The following BDKRB2 variants were observed in gnomAD, a reference collection of about 807,000 sequenced individuals.
BDKRB2 encodes the protein B2 bradykinin receptor.
In BDKRB2, 6 loss-of-function variants were observed where a neutral mutation model predicts 4.0. That is an observed-to-expected ratio of 1.49 (90% CI 0.81 to 2.93). BDKRB2 has a LOEUF of 2.93. Among genes scored for constraint, BDKRB2 ranks in the 30% most tolerant of loss-of-function variants. The pLI is 0.00. For missense variants in BDKRB2, 478 were observed against 520.1 expected (o/e 0.92, Z 0.79); for synonymous variants, 225 against 215.3 (o/e 1.05, Z -0.40).
chr14:96,238,834 G>A, intron 2 of BDKRB2: 1 of 986,546 alleles, frequency 1.0e-6, no homozygotes, highest in Non-Finnish European at 1.2e-6. Context: ...TCCCTCCAGG[G>A]CACCCTCCAC....
intron 1 of BDKRB2, among the ~76,000 whole-genome samples, chr14:96,205,946 C>T (rs980590934): frequency 1.9e-4 from 29 of 152,182 alleles, no homozygotes; most frequent in Non-Finnish European, 3.1e-4. Flanking sequence ...GGCTCCCCAG[C>T]CTACAGGAAG....
chr14:96,210,341 A>G (rs1011803586), intron 1 of BDKRB2, among the ~76,000 whole-genome samples: 2 of 152,028 alleles, frequency 1.3e-5, no homozygotes, highest in African/African-American at 4.8e-5. Context: ...TTTTAATTTT[A>G]TTTTTCTTTC....
intron 2 of BDKRB2, chr14:96,238,792 C>A (rs1412418947): frequency 4.0e-5 from 39 of 985,758 alleles, no homozygotes; most frequent in Non-Finnish European, 4.3e-5. Flanking sequence ...CACCAGCCCC[C>A]TCTCCAAGTC....
intron 2 of BDKRB2, 99 bp from the exon 3 acceptor site, chr14:96,240,304 C>T (rs766463294): frequency 3.0e-6 from 4 of 1,353,548 alleles, no homozygotes; most frequent in Middle Eastern, 5.0e-4. Flanking sequence ...TTCTCCTTGC[C>T]CTGGCTGGTT....
At chr14:96,229,894 C>A (rs886615180) in intron 1 of BDKRB2, among the ~76,000 whole-genome samples, 2 of 151,736 alleles carry the variant, frequency 1.3e-5, no homozygotes, top group Non-Finnish European at 2.9e-5. Context: ...TTTGGGAGGC[C>A]GAGGCAGGTG....
In BDKRB2 at chr14:96,241,449, T is replaced by C. The variant is rs778625682; in HGVS notation, c.1121T>C (p.Ile374Thr). 1 of 1,587,580 alleles carries C rather than the reference T, an allele frequency of 6.3e-7. No individual in the cohort carries two copies. The highest frequency in any genetic ancestry group is 1.7e-5 in the Admixed American group (1 of 57,834). ...ENSMGTLRTS[I>T]SVERQIHKLQ... ...TCCATGGGCACACTGCGGACCTCCA[T>C]CTCCGTGGAACGCCAGATTCACAAA... The change falls in exon 3 of 3, where the codon ATC (isoleucine) becomes ACC (threonine). Residue 374 changes from isoleucine (I) to threonine (T), a missense_variant. Physicochemically the swap from Ile to Thr is moderately conservative, Grantham distance 89. Transcript: ENST00000554311.
chr14:96,207,653 T>C (rs1205889997), intron 1 of BDKRB2, among the ~76,000 whole-genome samples: 1 of 152,088 alleles, frequency 6.6e-6, no homozygotes, highest in Non-Finnish European at 1.5e-5. Context: ...TTACAACAAA[T>C]TGACTGCTCT....
intron 1 of BDKRB2, chr14:96,223,147 G>T (rs1489488893): frequency 2.4e-6 from 3 of 1,260,710 alleles, no homozygotes; most frequent in Middle Eastern, 2.7e-4. Flanking sequence ...CAGATACGAC[G>T]ACGAGGAGTT....
In BDKRB2 at chr14:96,241,189, G is replaced by T; in HGVS notation, c.861G>T (p.Gln287His). 6.2e-7 allele frequency: 1 copy of T among 1,607,074 alleles called. No homozygotes were observed. The highest frequency in any genetic ancestry group is 8.5e-7 in the Non-Finnish European group (1 of 1,175,138). ...LLFIICWLPF[Q>H]ISTFLDTLHR... ...TCATCATCTGCTGGCTGCCCTTCCA[G>T]ATCAGCACCTTCCTGGATACGCTGC... The change falls in exon 3 of 3, where the codon CAG (glutamine) becomes CAT (histidine). Residue 287 changes from glutamine to histidine, a missense_variant. Gln to His is a conservative substitution (Grantham distance 24). Transcript: ENST00000554311.
At chr14:96,221,259 T>C (rs1890553363) in intron 1 of BDKRB2, among the ~76,000 whole-genome samples, 1 of 152,184 alleles carries the variant, frequency 6.6e-6, no homozygotes. Context: ...GCTATTATTA[T>C]TCCCTGGTTG....
At chr14:96,209,910 C>T (rs1890267083) in intron 1 of BDKRB2, among the ~76,000 whole-genome samples, 1 of 152,088 alleles carries the variant, frequency 6.6e-6, no homozygotes, top group Admixed American at 6.5e-5. Flanking sequence ...GCAGGAGAAT[C>T]ATTTGAACTC....
rs200990944 is a variant in BDKRB2 at position 96,241,585 on chromosome 14, G to C, written c.*81G>C. The C allele has an allele frequency of 6.8e-7, 1 of 1,478,728 alleles. No homozygotes were observed. The highest frequency in any genetic ancestry group is 1.4e-5 in the African/African-American group (1 of 71,374). 91.6% of individuals were successfully genotyped at this position (1,478,728 alleles called of 1,614,324 possible). On this transcript the variant is annotated 3_prime_UTR_variant, in exon 3 of 3. Transcript: ENST00000554311. ...TTCAGCATGGGCCCAGGAATGCCAAGGAGACATCTATGCACGACCTTGGGA... is the reference window on the plus strand; with the variant it reads ...TTCAGCATGGGCCCAGGAATGCCAACGAGACATCTATGCACGACCTTGGGA...
chr14:96,241,793 G>A lies in BDKRB2; in HGVS notation c.*289G>A. Reference sequence around the variant, plus strand: ...AGCCTGCTCCTTCCCAGGAGTGGAGGAGGCCTGGGGGCAGGGAGAGGAGTG... The same window carrying A: ...AGCCTGCTCCTTCCCAGGAGTGGAGAAGGCCTGGGGGCAGGGAGAGGAGTG... On this transcript the variant is annotated 3_prime_UTR_variant, in exon 3 of 3. Transcript: ENST00000554311. 3.4e-6 allele frequency: 1 copy of A among 291,986 alleles called. No individual in the cohort carries two copies. The highest frequency in any genetic ancestry group is 6.2e-6 in the Non-Finnish European group (1 of 160,254). The allele number at this position is 291,986 out of a possible 1,614,324, so 18.1% of individuals were successfully genotyped here.
intron 1 of BDKRB2, among the ~76,000 whole-genome samples, chr14:96,221,361 C>T (rs1272995788): frequency 5.9e-5 from 9 of 152,154 alleles, no homozygotes; most frequent in East Asian, 3.8e-4. Flanking sequence ...TCATCAGCTT[C>T]GTTGTCGTCA....
At chr14:96,226,787 G>A (rs1890707955) in intron 1 of BDKRB2, among the ~76,000 whole-genome samples, 1 of 152,214 alleles carries the variant, frequency 6.6e-6, no homozygotes, top group Non-Finnish European at 1.5e-5. Flanking sequence ...GTAGCATGAG[G>A]GATTCTGATG....
intron 1 of BDKRB2, among the ~76,000 whole-genome samples, chr14:96,224,359 G>A (rs893584894): frequency 6.6e-6 from 1 of 151,842 alleles, no homozygotes. Context: ...CTCAACTCTA[G>A]TCTTGCTAGC....
chr14:96,224,473 GAAATGAAGATATGTTGCAGGC>G (rs1890650232), intron 1 of BDKRB2, among the ~76,000 whole-genome samples: 1 of 152,192 alleles, frequency 6.6e-6, no homozygotes, highest in Non-Finnish European at 1.5e-5. Flanking sequence ...CAATATAAAT[GAAATGAAGATATGTTGCAGGC>G]ACTTTGCACA....
chr14:96,221,405 T>A (rs2139778449), intron 1 of BDKRB2, among the ~76,000 whole-genome samples: 1 of 152,254 alleles, frequency 6.6e-6, no homozygotes, highest in East Asian at 1.9e-4. Flanking sequence ...ATGGTGGGTG[T>A]CCTGTCTGGA....
intron 1 of BDKRB2, among the ~76,000 whole-genome samples, chr14:96,206,355 A>G (rs1031104548): frequency 3.9e-5 from 6 of 152,260 alleles, no homozygotes; most frequent in African/African-American, 1.2e-4. Context: ...CACTGCACTG[A>G]TGAGGAAACT....
Sources: gnomAD v4.1 joint callset for allele counts (sites outside exome capture counted in the v4.1 genomes callset) on GRCh38, gnomAD v4.1.1 for gene constraint, MANE v1.5 for transcripts, NCBI Gene and HGNC (gene_info 2026-07-23, HGNC 2026-07-21) for gene names.